Variants in INTS6 observed in about 807,000 individuals in gnomAD.
The protein encoded by INTS6 is integrator complex subunit 6.
A neutral mutation model predicts 104.9 loss-of-function variants in INTS6; 16 were observed. That is an observed-to-expected ratio of 0.15 (90% confidence interval 0.10 to 0.23). The LOEUF (loss-of-function observed/expected upper bound fraction) is 0.23. Ranked by LOEUF, INTS6 falls within the 10% of genes least tolerant of loss-of-function variation. The pLI, the probability that INTS6 is intolerant of heterozygous loss-of-function variation, is 1.00. For synonymous variants in INTS6, 324 were observed against 358.7 expected, an observed-to-expected ratio of 0.90 and a Z score of 1.09; for missense variants, 584 against 1,062.8, an observed-to-expected ratio of 0.55 and a Z score of 6.26.
intron 4 of INTS6, chr13:51,423,044 A>T (rs1593744041): frequency 7.8e-7 from 1 of 1,278,972 alleles, no homozygotes; most frequent in African/African-American, 1.5e-5. Flanking sequence ...CTTCAAAGAT[A>T]ATACGTTTTC....
At chr13:51,389,969 A>C (rs139843862) in intron 5 of INTS6, among the ~76,000 whole-genome samples, 3 of 152,228 alleles carry the variant, frequency 2.0e-5, no homozygotes, top group African/African-American at 7.2e-5. Flanking sequence ...TTTGCATTTT[A>C]ATATACAGAT....
At chr13:51,424,223 T>C (rs1234636331) in intron 4 of INTS6, among the ~76,000 whole-genome samples, 5 of 152,054 alleles carry the variant, frequency 3.3e-5, no homozygotes, top group South Asian at 2.1e-4. Context: ...ATAAAAACTA[T>C]TTTGATATAT....
intron 15 of INTS6, among the ~76,000 whole-genome samples, chr13:51,370,083 CT>C (rs1268240903): frequency 6.6e-6 from 1 of 152,052 alleles, no homozygotes; most frequent in Admixed American, 6.6e-5. Flanking sequence ...CCATATTCCC[CT>C]ATACACTCAT....
At position 51,374,277 on chromosome 13, in the gene INTS6, C is replaced by T. The variant is rs779250270; in HGVS notation, c.2035G>A (p.Gly679Arg). 3 of 1,613,864 alleles carry T rather than the reference C, an allele frequency of 1.9e-6. No individual in the cohort carries two copies. The highest frequency in any genetic ancestry group is 2.5e-6 in the Non-Finnish European group (3 of 1,179,962). Residue 679 changes from glycine (G) to arginine (R), a missense_variant, in exon 15 of 18, where the codon GGA becomes AGA. Gly to Arg is a moderately radical substitution (Grantham distance 125, BLOSUM62 -2). This residue lies in a region of INTS6 where 296 missense variants were observed against 437.0 expected (regional missense o/e 0.68). Transcript: ENST00000311234. Reference protein sequence around the residue: ...QNPVVNNHIGGKGPPAPTTQA... With the variant: ...QNPVVNNHIGRKGPPAPTTQA... Reference sequence around the variant, plus strand: ...GTTGTAGGTGCAGGTGGTCCTTTTCCCCCAATATGATTGTTTACAACAGGA... The same window carrying T: ...GTTGTAGGTGCAGGTGGTCCTTTTCTCCCAATATGATTGTTTACAACAGGA...
intron 4 of INTS6, among the ~76,000 whole-genome samples, chr13:51,429,778 AAAAAAAAATAT>A (rs1957053953): frequency 7.4e-6 from 1 of 135,238 alleles, no homozygotes; most frequent in South Asian, 2.3e-4. Context: ...AAAAAAAAAA[AAAAAAAAATAT>A]ATATATATAT....
Position 51,378,433 on chromosome 13 carries a change from C to G in INTS6, c.1408G>C (p.Val470Leu). 6.2e-7 allele frequency: 1 copy of G among 1,612,812 alleles called. No homozygotes were observed. Among genetic ancestry groups the G allele is most frequent in the South Asian group, 1.1e-5 (1 of 91,018 alleles). ...ACTTTTTTGCCTACAGATCCAATGACTCGATCAGATTCTATTTTGGCCTAA... is the reference window on the plus strand; with the variant it reads ...ACTTTTTTGCCTACAGATCCAATGAGTCGATCAGATTCTATTTTGGCCTAA... ...SQQAKIESDR[V>L]IGSVGKKVVQ... Residue 470 changes from valine (V) to leucine (L), a missense_variant, in exon 12 of 18, where the codon GTC becomes CTC. This residue lies in a region of INTS6 where 74 missense variants were observed against 64.4 expected (regional missense o/e 1.15). Coordinates refer to ENST00000311234, the MANE Select transcript of INTS6 (RefSeq NM_012141.3).
the INTS6 span, among the ~76,000 whole-genome samples, chr13:51,337,564 C>T: frequency 6.6e-6 from 1 of 152,174 alleles, no homozygotes; most frequent in Admixed American, 6.5e-5. Flanking sequence ...AGCACCAAGA[C>T]TGTGATGAAG....
chr13:51,367,880 G>C lies in INTS6; in HGVS notation c.2495C>G (p.Thr832Ser). 6.3e-7 allele frequency: 1 copy of C among 1,575,108 alleles called. No homozygotes were observed. The highest frequency in any genetic ancestry group is 8.6e-7 in the Non-Finnish European group (1 of 1,163,202). The change falls in exon 17 of 18, where the codon ACT becomes AGT. Residue 832 changes from threonine to serine, a missense_variant. Thr to Ser is a moderately conservative substitution (Grantham distance 58). This residue lies in a region of INTS6 where 296 missense variants were observed against 437.0 expected (regional missense o/e 0.68). Transcript: ENST00000311234. Reference protein sequence around the residue: ...KPGRKYERIFTLLKHVQGSLQ... With the variant: ...KPGRKYERIFSLLKHVQGSLQ... The stretch of plus-strand genomic sequence containing the variant: ...ACTGCCTTGCACATGCTTCAGTAAA[G>C]TGAAGATTCTTTCATATTCTTAAAG...
chr13:51,427,665 T>C (rs1957008003), intron 4 of INTS6, among the ~76,000 whole-genome samples: 1 of 152,136 alleles, frequency 6.6e-6, no homozygotes, highest in African/African-American at 2.4e-5. Context: ...TTCAAAATAA[T>C]TTACTTTTGC....
chr13:51,449,456 G>T, intron 3 of INTS6: 1 of 984,494 alleles, frequency 1.0e-6, no homozygotes, highest in Non-Finnish European at 1.2e-6. Flanking sequence ...GCCTCTCCAT[G>T]ACAAGCAGTT....
chr13:51,392,586 T>C (rs1319139984), intron 5 of INTS6, among the ~76,000 whole-genome samples: 1 of 152,206 alleles, frequency 6.6e-6, no homozygotes, highest in East Asian at 1.9e-4. Flanking sequence ...CCTAGATATT[T>C]GTGTAATTAA....
At chr13:51,368,245 C>T (rs1306445797) in intron 16 of INTS6, among the ~76,000 whole-genome samples, 1 of 152,036 alleles carries the variant, frequency 6.6e-6, no homozygotes, top group South Asian at 2.1e-4. Flanking sequence ...AAAATTCTAA[C>T]AGCTAACATG....
chr13:51,379,321 GTAAT>G, intron 11 of INTS6, 137 bp downstream of exon 11: 1 of 414,644 alleles, frequency 2.4e-6, no homozygotes, highest in Non-Finnish European at 4.3e-6. Context: ...ACAGAATTAT[GTAAT>G]ATATGGCTCT....
chr13:51,451,030 C>G lies in INTS6; in HGVS notation c.334G>C (p.Gly112Arg). ...CACCTTATTATTCAACCTACCTGCC[C>G]ATAGTTGTCTATGCCAGTTACTAAT... ...NRLVTGIDNY[G>R]QGRNPFFLEP... is the part of the protein sequence containing the mutation. The change falls in exon 3 of 18, where the codon GGG becomes CGG. Residue 112 changes from glycine to arginine, a missense_variant. By Grantham distance (125) the Gly-to-Arg change is moderately radical. This residue lies in a region of INTS6 where 70 missense variants were observed against 190.3 expected (regional missense o/e 0.37). Coordinates refer to ENST00000311234, the MANE Select transcript of INTS6 (RefSeq NM_012141.3). The G allele has an allele frequency of 6.6e-7, 1 of 1,524,152 alleles. No homozygotes were observed. 94.4% of individuals were successfully genotyped at this position (1,524,152 alleles called of 1,614,324 possible).
chr13:51,362,139 T>C lies in INTS6; in HGVS notation c.*3613A>G. Reference sequence around the variant, plus strand: ...CAGCTCATATATAGTTAATGTAGATTTTTTTTTTTAATGCTATAGGTTTCT... The same window carrying C: ...CAGCTCATATATAGTTAATGTAGATCTTTTTTTTTAATGCTATAGGTTTCT... On this transcript the variant is annotated 3_prime_UTR_variant, in exon 18 of 18. Coordinates refer to ENST00000311234, the MANE Select transcript of INTS6 (RefSeq NM_012141.3). 8.2e-7 allele frequency: 1 copy of C among 1,214,862 alleles called. No individual in the cohort carries two copies. The highest frequency in any genetic ancestry group is 1.1e-6 in the Non-Finnish European group (1 of 932,394). The allele number at this position is 1,214,862 out of a possible 1,614,324, so 75.3% of individuals were successfully genotyped here. A position where few individuals can be genotyped will look rare whatever the true frequency, so the allele number is the denominator to read the frequency against.
intron 4 of INTS6, among the ~76,000 whole-genome samples, chr13:51,415,561 C>T (rs996718226): frequency 6.6e-6 from 1 of 152,162 alleles, no homozygotes; most frequent in African/African-American, 2.4e-5. Flanking sequence ...TCTTTGCCTG[C>T]TGCCACCCAT....
At chr13:51,341,042 GCCTAC>G in the INTS6 span, 1 of 1,592,620 alleles carries the variant, frequency 6.3e-7, no homozygotes, top group Non-Finnish European at 8.6e-7. Flanking sequence ...CCAGCTTCCA[GCCTAC>G]CCTGCATCTC....
chr13:51,407,480 A>T (rs1342422296), intron 4 of INTS6, among the ~76,000 whole-genome samples: 1 of 152,172 alleles, frequency 6.6e-6, no homozygotes, highest in Non-Finnish European at 1.5e-5. Context: ...ACAATCATTT[A>T]AAAAAGCACT....
At chr13:51,380,657 A>C (rs917861694) in intron 10 of INTS6, among the ~76,000 whole-genome samples, 22 of 152,332 alleles carry the variant, frequency 1.4e-4, no homozygotes, top group African/African-American at 5.3e-4. Flanking sequence ...ATGATTTAGA[A>C]AGATTATTTA....
Sources: gnomAD v4.1 joint callset for allele counts (sites outside exome capture counted in the v4.1 genomes callset) on GRCh38, gnomAD v4.1.1 for gene constraint, gnomAD v4.1.1 regional missense constraint, MANE v1.5 for transcripts, NCBI Gene and HGNC (gene_info 2026-07-23, HGNC 2026-07-21) for gene names.